Variants in GPATCH2 observed in about 807,000 individuals in gnomAD.
The protein encoded by GPATCH2 is G patch domain-containing protein 2.
In GPATCH2, 51 loss-of-function variants were observed where a neutral mutation model predicts 58.0. The ratio of observed to expected loss-of-function variants is 0.88; its 90% confidence interval spans 0.70 to 1.11. The LOEUF is 1.11. Among genes scored for constraint, GPATCH2 ranks in the 50% most tolerant of loss-of-function variants. The probability of loss-of-function intolerance (pLI) is 0.00; values close to 1 mark genes in which losing one functional copy is unlikely to be tolerated. For missense variants in GPATCH2, 625 were observed against 652.2 expected (o/e 0.96, Z 0.45); for synonymous variants, 222 against 218.5 (o/e 1.02, Z -0.14).
intron 5 of GPATCH2, among the ~76,000 whole-genome samples, chr1:217,572,333 GA>G (rs1666608520): frequency 6.6e-6 from 1 of 152,102 alleles, no homozygotes; most frequent in Admixed American, 6.5e-5. Flanking sequence ...GTCACTGTAA[GA>G]AAGAAAGAAA....
At chr1:217,575,155 C>A (rs1319216779) in intron 5 of GPATCH2, among the ~76,000 whole-genome samples, 2 of 152,096 alleles carry the variant, frequency 1.3e-5, no homozygotes, top group Admixed American at 6.6e-5. Flanking sequence ...AAATGTCTTG[C>A]CTAAAGTCAC....
In GPATCH2 at chr1:217,504,318, G is replaced by GA. The variant is rs143480530; in HGVS notation, c.1167-5924dup. 5.8e-3 allele frequency among the ~76,000 whole-genome samples: 876 copies of GA among 152,276 alleles called. 11 individuals are homozygous for GA. The highest frequency in any genetic ancestry group is 0.02 in the African/African-American group (820 of 41,568). ...GGCGTCCTCCTTTGGGCAGCCTGTT[G>GA]AACTCACCCTGGCAGATTTAGATGC... On this transcript the variant is annotated intron_variant, in intron 6 of 9. Coordinates refer to ENST00000366935, the MANE Select transcript of GPATCH2 (RefSeq NM_018040.5).
chr1:217,433,241 A>C (rs1658629554), intron 9 of GPATCH2, among the ~76,000 whole-genome samples: 2 of 151,908 alleles, frequency 1.3e-5, no homozygotes, highest in African/African-American at 4.8e-5. Flanking sequence ...TTGGATCTCA[A>C]ACATCAATAA....
intron 5 of GPATCH2, among the ~76,000 whole-genome samples, chr1:217,550,584 A>G (rs1481180759): frequency 6.6e-6 from 1 of 152,034 alleles, no homozygotes; most frequent in Admixed American, 6.6e-5. Flanking sequence ...CTTGTTACCT[A>G]GTTGGTTTAA....
intron 5 of GPATCH2, among the ~76,000 whole-genome samples, chr1:217,529,958 TA>T (rs1664107025): frequency 6.6e-6 from 1 of 152,236 alleles, no homozygotes; most frequent in Admixed American, 6.5e-5. Context: ...AATACTAGTT[TA>T]AGCTTTTTCA....
At chr1:217,600,810 A>G (rs992583242) in intron 5 of GPATCH2, among the ~76,000 whole-genome samples, 1 of 152,182 alleles carries the variant, frequency 6.6e-6, no homozygotes, top group African/African-American at 2.4e-5. Context: ...GAGCATTTTA[A>G]AACAATTTTC....
At chr1:217,511,293 G>T (rs1053394210) in intron 6 of GPATCH2, among the ~76,000 whole-genome samples, 2 of 152,096 alleles carry the variant, frequency 1.3e-5, no homozygotes, top group African/African-American at 4.8e-5. Context: ...GGATTGGTAG[G>T]GGTGTCTTTT....
At chr1:217,617,097 TA>T (rs1011421393) in intron 2 of GPATCH2, among the ~76,000 whole-genome samples, 1 of 152,198 alleles carries the variant, frequency 6.6e-6, no homozygotes, top group Non-Finnish European at 1.5e-5. Context: ...TCTTCACTGT[TA>T]AAAATTCTTC....
At chr1:217,523,807 C>A (rs1318230303) in intron 5 of GPATCH2, among the ~76,000 whole-genome samples, 1 of 102,382 alleles carries the variant, frequency 9.8e-6, no homozygotes, top group Non-Finnish European at 2.2e-5. Flanking sequence ...GGGGGGCTGA[C>A]CCCCCCACCT....
chr1:217,537,324 G>A (rs998948640), intron 5 of GPATCH2, among the ~76,000 whole-genome samples: 2 of 152,088 alleles, frequency 1.3e-5, no homozygotes, highest in African/African-American at 4.8e-5. Context: ...AATAAACTTC[G>A]TATCTGGGCT....
chr1:217,434,862 A>AT (rs1193947087), intron 9 of GPATCH2, among the ~76,000 whole-genome samples: 2 of 152,212 alleles, frequency 1.3e-5, no homozygotes, highest in Non-Finnish European at 2.9e-5. Flanking sequence ...ACTCATTCTC[A>AT]TTTTTTTAAA....
intron 5 of GPATCH2, among the ~76,000 whole-genome samples, chr1:217,607,242 T>A (rs946055032): frequency 6.6e-6 from 1 of 152,200 alleles, no homozygotes; most frequent in Non-Finnish European, 1.5e-5. Context: ...GTGAAAAATG[T>A]TGAGTTGCCC....
chr1:217,559,121 G>A (rs112939204), intron 5 of GPATCH2, among the ~76,000 whole-genome samples: 16 of 151,952 alleles, frequency 1.1e-4, no homozygotes, highest in South Asian at 4.2e-4. Flanking sequence ...AAATCTTCTC[G>A]GATGTTACAA....
intron 5 of GPATCH2, among the ~76,000 whole-genome samples, chr1:217,537,873 AAAGAC>A (rs1486550801): frequency 6.6e-6 from 1 of 152,150 alleles, no homozygotes. Context: ...AAACTTATTT[AAAGAC>A]AATAAGCAGA....
intron 5 of GPATCH2, among the ~76,000 whole-genome samples, chr1:217,597,028 T>A (rs184948084): frequency 1.3e-5 from 2 of 151,958 alleles, no homozygotes; most frequent in South Asian, 4.1e-4. Flanking sequence ...AAGATACCAA[T>A]AGACAAAATA....
At chr1:217,608,887 C>T in intron 5 of GPATCH2, 2 of 982,394 alleles carry the variant, frequency 2.0e-6, no homozygotes, top group Non-Finnish European at 2.4e-6. Flanking sequence ...TTTAATCTCT[C>T]CAAATTAGAC....
At chr1:217,585,832 A>G (rs1247109650) in intron 5 of GPATCH2, among the ~76,000 whole-genome samples, 1 of 152,078 alleles carries the variant, frequency 6.6e-6, no homozygotes, top group African/African-American at 2.4e-5. Flanking sequence ...ACTTACACAA[A>G]CCCAGATGAT....
chr1:217,475,585 T>C (rs902270940), intron 8 of GPATCH2, among the ~76,000 whole-genome samples: 3 of 152,118 alleles, frequency 2.0e-5, no homozygotes, highest in African/African-American at 4.8e-5. Flanking sequence ...AAGAAAATAC[T>C]ACATAAAAGA....
At chr1:217,509,793 C>T (rs1662755377) in intron 6 of GPATCH2, among the ~76,000 whole-genome samples, 1 of 152,062 alleles carries the variant, frequency 6.6e-6, no homozygotes, top group Admixed American at 6.6e-5. Context: ...AAGTTTCCAA[C>T]CTCGGCAAGT....
Sources: gnomAD v4.1 joint callset for allele counts (sites outside exome capture counted in the v4.1 genomes callset) on GRCh38, gnomAD v4.1.1 for gene constraint, MANE v1.5 for transcripts, NCBI Gene and HGNC (gene_info 2026-07-23, HGNC 2026-07-21) for gene names.